ABHD6: variants seen among roughly 807,000 people sequenced by gnomAD.
ABHD6 encodes the protein abhydrolase domain containing 6, acylglycerol lipase.
ABHD6 carries 33 observed loss-of-function variants against 38.8 expected under a neutral mutation model. The ratio of observed to expected loss-of-function variants is 0.85; its 90% CI spans 0.64 to 1.14. The LOEUF (loss-of-function observed/expected upper bound fraction) is 1.14. Among genes scored for constraint, ABHD6 ranks in the 50% most tolerant of loss-of-function variants. The pLI is 0.00. For missense variants in ABHD6, 380 were observed against 422.6 expected (o/e 0.90, Z 0.88); for synonymous variants, 147 against 161.6 (o/e 0.91, Z 0.69).
chr3:58,252,028 T>C (rs148666855), intron 2 of ABHD6, among the ~76,000 whole-genome samples: 2 of 152,194 alleles, frequency 1.3e-5, no homozygotes, highest in Non-Finnish European at 2.9e-5. Flanking sequence ...TCTCATTAAA[T>C]AGATGAAGAA....
chr3:58,282,567 A>G (rs1441076205), intron 7 of ABHD6, among the ~76,000 whole-genome samples: 1 of 152,088 alleles, frequency 6.6e-6, no homozygotes, highest in Non-Finnish European at 1.5e-5. Flanking sequence ...CCCCATCTCT[A>G]CAAAAAAAAA....
rs1052032087 is a variant in ABHD6, at chr3:58,267,790, G to A, written c.276+445G>A. 1.3e-5 allele frequency among the ~76,000 whole-genome samples: 2 copies of A among 152,132 alleles called. No homozygotes were observed. Among genetic ancestry groups the A allele is most frequent in the Non-Finnish European group, 2.9e-5 (2 of 68,026 alleles). On this transcript the variant is annotated intron_variant, in intron 4 of 9. Transcript: ENST00000478253. This position sits in a 1 kb window ranked among gnomAD's most constrained non-coding sequence, Gnocchi z 4.3. ...TGGTTCAAGTCATATTAGAACTAAT[G>A]CAGTGTGGCCTGGCACAGTGGCTCA...
intron 9 of ABHD6, among the ~76,000 whole-genome samples, chr3:58,289,365 G>C (rs2097459816): frequency 6.6e-6 from 1 of 151,510 alleles, no homozygotes; most frequent in Non-Finnish European, 1.5e-5. Flanking sequence ...GGTTTTCCTA[G>C]GCAGAGGACC....
At chr3:58,268,778 A>G (rs1253212295) in intron 4 of ABHD6, among the ~76,000 whole-genome samples, 1 of 152,224 alleles carries the variant, frequency 6.6e-6, no homozygotes, top group Admixed American at 6.5e-5. Context: ...AAAGTGGTAC[A>G]TATCTAAATG....
chr3:58,276,979 G>C (rs2097449200), intron 7 of ABHD6, among the ~76,000 whole-genome samples: 1 of 152,166 alleles, frequency 6.6e-6, no homozygotes, highest in Non-Finnish European at 1.5e-5. Flanking sequence ...CTATATATCT[G>C]TTTTTGTACC....
Position 58,259,509 on chromosome 3 carries a change from G to GTAAAAATACAAAAAATTA in ABHD6, c.119+2805_119+2806insAAAAATACAAAAAATTAT, listed in dbSNP as rs1559774654. Among the ~76,000 whole-genome samples the GTAAAAATACAAAAAATTA allele has an allele frequency of 7.9e-5, 12 of 151,954 alleles. No individual in the cohort carries two copies. The South Asian group carries it at 1.9e-3, about 24-fold the overall frequency. On this transcript the variant is annotated intron_variant, in intron 3 of 9. Transcript: ENST00000478253. This position sits in a 1 kb window ranked among gnomAD's most constrained non-coding sequence, Gnocchi z 4.7. ...AGCCTGGCCAACATGGCGAAACCCC[G>GTAAAAATACAAAAAATTA]TCTCTACTAAAAATACAAAAAATTA...
intron 1 of ABHD6, among the ~76,000 whole-genome samples, chr3:58,242,692 A>G (rs1170956043): frequency 1.3e-5 from 2 of 152,234 alleles, no homozygotes; most frequent in African/African-American, 4.8e-5. Context: ...CTTGCAGCCT[A>G]GTGGAGGGTC....
chr3:58,265,837 C>G lies in ABHD6; in HGVS notation c.120-1352C>G, dbSNP rs571483724. Among the ~76,000 whole-genome samples, 6 of 152,130 alleles carry G rather than the reference C, an allele frequency of 3.9e-5. No homozygotes were observed. The highest frequency in any genetic ancestry group is 8.8e-5 in the Non-Finnish European group (6 of 68,024). On this transcript the variant is annotated intron_variant, in intron 3 of 9. Transcript: ENST00000478253. The surrounding 1 kb of genome is among the most constrained non-coding windows in gnomAD (Gnocchi z 4.2). ...AGAGTGAGCCAGAAGCAAGAGGGGACCAGACTCACTTTTATCAGGAATCTA... is the reference window on the plus strand; with the variant it reads ...AGAGTGAGCCAGAAGCAAGAGGGGAGCAGACTCACTTTTATCAGGAATCTA...
At position 58,246,078 on chromosome 3, in the gene ABHD6, A is replaced by T. The variant is rs149750324; in HGVS notation, c.-90-3800A>T. On this transcript the variant is annotated intron_variant, in intron 1 of 9. Transcript: ENST00000478253. Reference sequence around the variant, plus strand: ...GGGTGACCTGGCTGATGACAGTTACATGTACTCATGCTAATTCAGTGAGAA... The same window carrying T: ...GGGTGACCTGGCTGATGACAGTTACTTGTACTCATGCTAATTCAGTGAGAA... Among the ~76,000 whole-genome samples the T allele has an allele frequency of 3.8e-4, 58 of 152,332 alleles. No individual in the cohort carries two copies. In the East Asian group the frequency reaches 9.8e-3, roughly 26 times the overall value.
rs546050964 is a variant in ABHD6 at position 58,287,973 on chromosome 3, C to T, written c.837+2520C>T. On this transcript the variant is annotated intron_variant, in intron 9 of 9. Transcript: ENST00000478253. This position sits in a 1 kb window ranked among gnomAD's most constrained non-coding sequence, Gnocchi z 4.7. The stretch of plus-strand genomic sequence containing the variant: ...TTAGCTGGTATTAGATTAGACTGCT[C>T]ATGTCCTTTGCCTCTGTTGGTGGCT... Among the ~76,000 whole-genome samples, 3 of 152,328 alleles carry T rather than the reference C, an allele frequency of 2.0e-5. No homozygotes were observed. Among genetic ancestry groups the T allele is most frequent in the African/African-American group, 4.8e-5 (2 of 41,576 alleles).
chr3:58,254,195 CCT>C (rs1378175664), intron 2 of ABHD6, among the ~76,000 whole-genome samples: 1 of 152,206 alleles, frequency 6.6e-6, no homozygotes, highest in Non-Finnish European at 1.5e-5. Flanking sequence ...AGTTACTTAG[CCT>C]CTCAGAGCCT....
At chr3:58,275,398 C>T (rs1220823448) in intron 7 of ABHD6, among the ~76,000 whole-genome samples, 1 of 148,426 alleles carries the variant, frequency 6.7e-6, no homozygotes, top group African/African-American at 2.5e-5. Flanking sequence ...AGCATGATCT[C>T]GGCTCACTGC....
At chr3:58,290,270 A>T (rs1575534297) in intron 9 of ABHD6, among the ~76,000 whole-genome samples, 1 of 119,470 alleles carries the variant, frequency 8.4e-6, no homozygotes, top group Non-Finnish European at 1.7e-5. Flanking sequence ...CACCTCCCAG[A>T]CGGGGCGGCT....
At chr3:58,254,543 A>G (rs548897226) in intron 2 of ABHD6, among the ~76,000 whole-genome samples, 37 of 152,268 alleles carry the variant, frequency 2.4e-4, no homozygotes. Flanking sequence ...TTATTATCAA[A>G]TTGAATTAAG....
At chr3:58,252,267 C>T (rs1040726282) in intron 2 of ABHD6, among the ~76,000 whole-genome samples, 3 of 135,012 alleles carry the variant, frequency 2.2e-5, no homozygotes, top group African/African-American at 8.4e-5. Context: ...CAGTCTCCCT[C>T]TGTCGCCTAG....
At chr3:58,274,248 C>A (rs2097447126) in intron 6 of ABHD6, among the ~76,000 whole-genome samples, 1 of 152,218 alleles carries the variant, frequency 6.6e-6, no homozygotes, top group Admixed American at 6.5e-5. Flanking sequence ...TGTATTTCCT[C>A]ACATTTCCTG....
Position 58,269,255 on chromosome 3 carries a change from C to T in ABHD6, c.277-66C>T. 1 of 1,292,366 alleles carries T rather than the reference C, an allele frequency of 7.7e-7. No homozygotes were observed. The highest frequency in any genetic ancestry group is 2.4e-5 in the East Asian group (1 of 41,916). 80.1% of individuals were successfully genotyped at this position (1,292,366 alleles called of 1,614,324 possible). Reference sequence around the variant, plus strand: ...TGGGTCACTGTACATGGGGCAACCTCCCAAGAAAATGGGCAGACATGTTTT... The same window carrying T: ...TGGGTCACTGTACATGGGGCAACCTTCCAAGAAAATGGGCAGACATGTTTT... On this transcript the variant is annotated intron_variant, in intron 4 of 9. Coordinates refer to ENST00000478253, the MANE Select transcript of ABHD6 (RefSeq NM_001320126.2). This position sits in a 1 kb window ranked among gnomAD's most constrained non-coding sequence, Gnocchi z 4.4.
At chr3:58,242,026 A>G (rs1222245934) in intron 1 of ABHD6, among the ~76,000 whole-genome samples, 2 of 152,216 alleles carry the variant, frequency 1.3e-5, no homozygotes, top group African/African-American at 4.8e-5. Flanking sequence ...AGGAGCATTT[A>G]CAGAGAGCGG....
chr3:58,243,535 G>A (rs995783135), intron 1 of ABHD6, among the ~76,000 whole-genome samples: 2 of 151,946 alleles, frequency 1.3e-5, no homozygotes, highest in Non-Finnish European at 2.9e-5. Flanking sequence ...CGTCTTATAG[G>A]TAGAGAGTGG....
Sources: allele counts gnomAD v4.1 joint callset (sites outside exome capture counted in the v4.1 genomes callset), GRCh38; gene constraint gnomAD v4.1.1; non-coding constraint Gnocchi (gnomAD v3.1); transcripts MANE v1.5; gene names NCBI Gene and HGNC (gene_info 2026-07-23, HGNC 2026-07-21).